The following DCAF12 variants were observed in gnomAD, a reference collection of about 807,000 sequenced individuals.
DCAF12 encodes DDB1- and CUL4-associated factor 12.
In DCAF12, 28 loss-of-function variants were observed where a neutral mutation model predicts 52.8. The observed-to-expected ratio is 0.53, with a 90% CI of 0.39 to 0.73. The LOEUF (loss-of-function observed/expected upper bound fraction) is 0.73. DCAF12 is among the 30% of genes least tolerant of loss of function. DCAF12 has a pLI of 0.00. For missense variants in DCAF12, 425 were observed against 552.2 expected (o/e 0.77, Z 2.31); for synonymous variants, 196 against 215.5 (o/e 0.91, Z 0.79).
At chr9:34,109,749 TC>T in intron 2 of DCAF12, 1 of 284,668 alleles carries the variant, frequency 3.5e-6, no homozygotes, top group South Asian at 4.0e-5. Context: ...CCCTGGAAGC[TC>T]AGGCAGGTGG....
intron 2 of DCAF12, among the ~76,000 whole-genome samples, chr9:34,108,363 T>C (rs768591215): frequency 9.9e-5 from 15 of 152,214 alleles, no homozygotes; most frequent in Non-Finnish European, 2.2e-4. Context: ...ATACACCTTA[T>C]AGCCTAAGAG....
Position 34,089,395 on chromosome 9 carries a change from G to C in DCAF12, c.1203+17C>G. 6.2e-7 allele frequency: 1 copy of C among 1,606,086 alleles called. No individual in the cohort carries two copies. The highest frequency in any genetic ancestry group is 8.5e-7 in the Non-Finnish European group (1 of 1,175,204). ...CTGTTACTGTGTAGCAGTCATCTCA[G>C]GTAGGGGCTTACGCACCAGCCAGCC... On this transcript the variant is annotated intron_variant, in intron 8 of 8. Transcript: ENST00000361264.
rs2131423308 is a variant in DCAF12, at chr9:34,088,265, A to G, written c.*85T>C. 1 of 1,454,958 alleles carries G rather than the reference A, an allele frequency of 6.9e-7. No individual in the cohort carries two copies. The highest frequency in any genetic ancestry group is 1.5e-5 in the South Asian group (1 of 67,646). The allele number at this position is 1,454,958 out of a possible 1,614,324, so 90.1% of individuals were successfully genotyped here. A position where few individuals can be genotyped will look rare whatever the true frequency, so the allele number is the denominator to read the frequency against. On this transcript the variant is annotated 3_prime_UTR_variant, in exon 9 of 9. Coordinates refer to ENST00000361264, the MANE Select transcript of DCAF12 (RefSeq NM_015397.4). ...GTTCCCACTAAAACACAAGAGCCTC[A>G]CACAATTAGGAAAAAAAAAATCAAA...
intron 4 of DCAF12, among the ~76,000 whole-genome samples, chr9:34,100,690 G>A (rs931216483): frequency 6.6e-6 from 1 of 151,130 alleles, no homozygotes; most frequent in Non-Finnish European, 1.5e-5. Context: ...TTTATAGACA[G>A]GGTTTTGTCA....
At chr9:34,123,878 T>C (rs984710284) in intron 2 of DCAF12, among the ~76,000 whole-genome samples, 1 of 151,938 alleles carries the variant, frequency 6.6e-6, no homozygotes, top group Non-Finnish European at 1.5e-5. Flanking sequence ...GGAAGTTCTG[T>C]GGAGGCCCGT....
intron 2 of DCAF12, among the ~76,000 whole-genome samples, chr9:34,118,226 C>T (rs1159511719): frequency 6.6e-6 from 1 of 152,080 alleles, no homozygotes; most frequent in African/African-American, 2.4e-5. Context: ...CTCTGCCTCC[C>T]GGGTTCAAGC....
At chr9:34,101,365 G>T (rs985289264) in intron 4 of DCAF12, among the ~76,000 whole-genome samples, 1 of 151,918 alleles carries the variant, frequency 6.6e-6, no homozygotes, top group Admixed American at 6.6e-5. Flanking sequence ...AAGCCACTGT[G>T]CCCGGCCATA....
intron 7 of DCAF12, among the ~76,000 whole-genome samples, chr9:34,091,757 CT>C (rs1018387704): frequency 2.0e-4 from 31 of 152,006 alleles, no homozygotes; most frequent in African/African-American, 6.5e-4. Flanking sequence ...CACAGTGTGC[CT>C]TTTAGGACTC....
In DCAF12 at chr9:34,126,436, GGCA is replaced by G; in HGVS notation, c.-8_-6del. On this transcript the variant is annotated 5_prime_UTR_variant, in exon 1 of 9. Transcript: ENST00000361264. ...GCTAACTACTTTCCGGGCCATAGTG[GGCA>G]GCGCCGCCGCGGCCCCGCAGCCACA... The G allele has an allele frequency of 6.2e-7, 1 of 1,604,924 alleles. No individual in the cohort carries two copies. The highest frequency in any genetic ancestry group is 8.5e-7 in the Non-Finnish European group (1 of 1,179,262).
At chr9:34,117,091 A>G (rs1829100080) in intron 2 of DCAF12, among the ~76,000 whole-genome samples, 3 of 152,238 alleles carry the variant, frequency 2.0e-5, no homozygotes. Context: ...CTAGCTAGCT[A>G]AGATAAGTAA....
chr9:34,113,183 C>G (rs1252805053), intron 2 of DCAF12, among the ~76,000 whole-genome samples: 1 of 151,918 alleles, frequency 6.6e-6, no homozygotes, highest in Non-Finnish European at 1.5e-5. Flanking sequence ...CGCCGAGTAC[C>G]TGGGATTACA....
intron 4 of DCAF12, among the ~76,000 whole-genome samples, chr9:34,098,774 A>T (rs755073905): frequency 5.1e-4 from 78 of 151,960 alleles, no homozygotes; most frequent in Non-Finnish European, 1.1e-3. Context: ...ATTTATTATT[A>T]TTATTTTTTT....
At chr9:34,113,601 A>G (rs1477530927) in intron 2 of DCAF12, among the ~76,000 whole-genome samples, 1 of 152,076 alleles carries the variant, frequency 6.6e-6, no homozygotes, top group Non-Finnish European at 1.5e-5. Context: ...CAGCCTCCCA[A>G]AGTGCTGGGA....
intron 2 of DCAF12, among the ~76,000 whole-genome samples, chr9:34,112,051 G>C (rs1026779770): frequency 1.4e-4 from 22 of 151,752 alleles, no homozygotes. Flanking sequence ...GCTGAGACAG[G>C]AGAATTGCTT....
At chr9:34,098,301 G>A (rs751946649) in intron 5 of DCAF12, 23 bp downstream of exon 5, 1 of 1,607,412 alleles carries the variant, frequency 6.2e-7, no homozygotes, top group Admixed American at 1.7e-5. Flanking sequence ...ATACACGTCA[G>A]GGATCCCTAC....
At chr9:34,108,215 G>T (rs1193391975) in intron 2 of DCAF12, among the ~76,000 whole-genome samples, 1 of 152,100 alleles carries the variant, frequency 6.6e-6, no homozygotes, top group Non-Finnish European at 1.5e-5. Context: ...CAGTCTTAGC[G>T]AAAGGACAGC....
At chr9:34,108,322 T>C (rs950634041) in intron 2 of DCAF12, among the ~76,000 whole-genome samples, 4 of 152,208 alleles carry the variant, frequency 2.6e-5, no homozygotes, top group Non-Finnish European at 4.4e-5. Flanking sequence ...AACACAGCTA[T>C]GAACGAGAGA....
chr9:34,108,793 C>CAAAAAAAAA (rs1234542589), intron 2 of DCAF12, among the ~76,000 whole-genome samples: 4 of 81,298 alleles, frequency 4.9e-5, no homozygotes, highest in East Asian at 2.6e-4. Flanking sequence ...GACTTGGTCT[C>CAAAAAAAAA]AAAAAAAATA....
rs114256136 is a variant in DCAF12, at chr9:34,117,598, T to C, written c.333+7425A>G. On this transcript the variant is annotated intron_variant, in intron 2 of 8. Coordinates refer to ENST00000361264, the MANE Select transcript of DCAF12 (RefSeq NM_015397.4). The stretch of plus-strand genomic sequence containing the variant: ...AACAGAGGTTTAGCTACCTTAAGCA[T>C]CTATCTAAACAAATATTTGTTAAAA... 5.9e-3 allele frequency among the ~76,000 whole-genome samples: 898 copies of C among 152,244 alleles called. 6 individuals are homozygous for C. The highest frequency in any genetic ancestry group is 0.02 in the African/African-American group (851 of 41,540).
Sources: gnomAD v4.1 joint callset for allele counts (sites outside exome capture counted in the v4.1 genomes callset) on GRCh38, gnomAD v4.1.1 for gene constraint, MANE v1.5 for transcripts, NCBI Gene and HGNC (gene_info 2026-07-23, HGNC 2026-07-21) for gene names.